ABCD2: variants seen among roughly 807,000 people sequenced by gnomAD.
ABCD2 encodes the protein ATP binding cassette subfamily D member 2.
ABCD2 carries 36 observed loss-of-function variants against 70.9 expected under a neutral mutation model. That is an observed-to-expected ratio of 0.51 (90% CI 0.39 to 0.67). The LOEUF (loss-of-function observed/expected upper bound fraction) is 0.67, where lower values mean the gene tolerates loss of function less well. ABCD2 is among the 30% of genes least tolerant of loss of function. ABCD2 has a pLI of 0.00. For synonymous variants in ABCD2, 304 were observed against 306.9 expected, an observed-to-expected ratio of 0.99 and a Z score of 0.10; for missense variants, 729 against 890.2, an observed-to-expected ratio of 0.82 and a Z score of 2.30.
intron 2 of ABCD2, among the ~76,000 whole-genome samples, chr12:39,615,279 A>G (rs1263963200): frequency 1.3e-5 from 2 of 152,016 alleles, no homozygotes; most frequent in East Asian, 3.8e-4. Context: ...AGTTGTCTCT[A>G]ATATACATTA....
chr12:39,573,676 G>A, intron 9 of ABCD2, 40 bp downstream of exon 9: 1 of 1,578,486 alleles, frequency 6.3e-7, no homozygotes, highest in Non-Finnish European at 8.6e-7. Flanking sequence ...GAAATTTAAG[G>A]AAAAACCATC....
chr12:39,552,644 T>G lies in ABCD2; in HGVS notation c.*1268A>C, dbSNP rs564533163. ...AAGACTGCATAGTTGCTGAATGATT[T>G]ACTAACTTTCTCATTTCATTTTAAG... On this transcript the variant is annotated 3_prime_UTR_variant, in exon 10 of 10. Transcript: ENST00000308666. 11 of 152,142 alleles carry G rather than the reference T, an allele frequency of 7.2e-5. No homozygotes were observed. The highest frequency in any genetic ancestry group is 2.6e-4 in the African/African-American group (11 of 41,578). 9.4% of individuals were successfully genotyped at this position (152,142 alleles called of 1,614,324 possible).
At chr12:39,563,294 G>A (rs1312824905) in intron 9 of ABCD2, among the ~76,000 whole-genome samples, 2 of 152,154 alleles carry the variant, frequency 1.3e-5, no homozygotes, top group Non-Finnish European at 2.9e-5. Flanking sequence ...GGGAGGCCAA[G>A]GTGGGAGGAT....
rs763176650 is a variant in ABCD2 at position 39,601,532 on chromosome 12, G to C, written c.1501-816C>G. Among the ~76,000 whole-genome samples, 147 of 151,882 alleles carry C rather than the reference G, an allele frequency of 9.7e-4. 3 individuals carry two copies. The highest frequency in any genetic ancestry group is 2.1e-4 in the Non-Finnish European group (14 of 67,920). On this transcript the variant is annotated intron_variant, in intron 5 of 9. Coordinates refer to ENST00000308666, the MANE Select transcript of ABCD2 (RefSeq NM_005164.4). ...TTCCACACAATAGGATGAAGAAGTT[G>C]TCTTATTATGGTATTTAAAGGGTAT... is the stretch of plus-strand genomic sequence containing the variant.
chr12:39,559,833 G>T (rs1027219626), intron 9 of ABCD2, among the ~76,000 whole-genome samples: 3 of 152,132 alleles, frequency 2.0e-5, no homozygotes, highest in African/African-American at 7.2e-5. Context: ...AAGCTGAGGG[G>T]CTTTATCACC....
At chr12:39,579,415 T>C (rs1941565668) in intron 8 of ABCD2, 120 bp downstream of exon 8, 4 of 676,000 alleles carry the variant, frequency 5.9e-6, no homozygotes, top group South Asian at 2.2e-5. Flanking sequence ...AATTTTGTAG[T>C]AAGATATTTT....
intron 5 of ABCD2, among the ~76,000 whole-genome samples, chr12:39,602,406 A>C (rs1463183608): frequency 6.6e-6 from 1 of 151,926 alleles, no homozygotes; most frequent in Non-Finnish European, 1.5e-5. Context: ...TGCCCACCTC[A>C]GCCTCTCAAA....
At chr12:39,606,983 A>C (rs1318976368) in intron 3 of ABCD2, among the ~76,000 whole-genome samples, 1 of 152,186 alleles carries the variant, frequency 6.6e-6, no homozygotes, top group East Asian at 1.9e-4. Context: ...ACACAGCTAT[A>C]ATGTGGTAAA....
intron 9 of ABCD2, among the ~76,000 whole-genome samples, chr12:39,563,059 A>G (rs1490610717): frequency 2.6e-5 from 4 of 152,202 alleles, no homozygotes; most frequent in Non-Finnish European, 5.9e-5. Flanking sequence ...TGAAGGACAA[A>G]AAATATGATT....
At chr12:39,616,425 C>T (rs926691213) in intron 2 of ABCD2, among the ~76,000 whole-genome samples, 1 of 152,016 alleles carries the variant, frequency 6.6e-6, no homozygotes, top group African/African-American at 2.4e-5. Context: ...ACAAAACCAC[C>T]AAATCATGCT....
intron 1 of ABCD2, among the ~76,000 whole-genome samples, chr12:39,618,407 T>C (rs530152268): frequency 5.9e-4 from 90 of 152,370 alleles, no homozygotes; most frequent in African/African-American, 2.1e-3. Context: ...ATTCTGAGCA[T>C]ATTTGAGTAA....
At chr12:39,598,070 T>C (rs886808421) in intron 6 of ABCD2, among the ~76,000 whole-genome samples, 3 of 152,190 alleles carry the variant, frequency 2.0e-5, no homozygotes, top group African/African-American at 7.2e-5. Flanking sequence ...TGGCCTAATA[T>C]AGTTAATTAT....
chr12:39,572,628 AT>A (rs1402351506), intron 9 of ABCD2, among the ~76,000 whole-genome samples: 1 of 152,202 alleles, frequency 6.6e-6, no homozygotes, highest in Non-Finnish European at 1.5e-5. Flanking sequence ...TTTGCTAACA[AT>A]TTTAATGTAA....
At chr12:39,602,853 A>T (rs1941919837) in intron 5 of ABCD2, among the ~76,000 whole-genome samples, 1 of 152,192 alleles carries the variant, frequency 6.6e-6, no homozygotes, top group Non-Finnish European at 1.5e-5. Flanking sequence ...AAATGTATCC[A>T]GACCAAAACA....
chr12:39,568,721 A>G (rs912290727), intron 9 of ABCD2, among the ~76,000 whole-genome samples: 1 of 151,994 alleles, frequency 6.6e-6, no homozygotes, highest in Non-Finnish European at 1.5e-5. Flanking sequence ...TAGAGTTTCC[A>G]GTTTTTCTGC....
chr12:39,567,621 C>T (rs1224452881), intron 9 of ABCD2, among the ~76,000 whole-genome samples: 1 of 135,048 alleles, frequency 7.4e-6, no homozygotes, highest in Non-Finnish European at 1.5e-5. Flanking sequence ...GAGCATTTAG[C>T]CCATTTACAT....
intron 3 of ABCD2, among the ~76,000 whole-genome samples, chr12:39,605,614 C>T (rs1247728290): frequency 1.3e-5 from 2 of 151,978 alleles, no homozygotes; most frequent in Non-Finnish European, 2.9e-5. Flanking sequence ...TGCCTTGTTC[C>T]TATTCTCTCA....
At chr12:39,598,646 C>A (rs1215284873) in intron 6 of ABCD2, among the ~76,000 whole-genome samples, 1 of 152,004 alleles carries the variant, frequency 6.6e-6, no homozygotes, top group Non-Finnish European at 1.5e-5. Context: ...GCGATTCGCC[C>A]GCCTCAGCCT....
intron 7 of ABCD2, among the ~76,000 whole-genome samples, chr12:39,580,118 C>T (rs1941576302): frequency 6.6e-6 from 1 of 152,116 alleles, no homozygotes; most frequent in Non-Finnish European, 1.5e-5. Flanking sequence ...AACTGTAGTT[C>T]ATGGAGTAAT....
Sources: allele counts gnomAD v4.1 joint callset (sites outside exome capture counted in the v4.1 genomes callset), GRCh38; gene constraint gnomAD v4.1.1; transcripts MANE v1.5; gene names NCBI Gene and HGNC (gene_info 2026-07-23, HGNC 2026-07-21).